Variants in LMAN1L observed in about 807,000 individuals in gnomAD.
LMAN1L encodes the protein protein ERGIC-53-like.
LMAN1L carries 60 observed loss-of-function variants against 58.3 expected under a neutral mutation model. The observed-to-expected ratio is 1.03, with a 90% CI of 0.84 to 1.27. The LOEUF (loss-of-function observed/expected upper bound fraction) is 1.27, where lower values mean the gene tolerates loss of function less well. Among genes scored for constraint, LMAN1L ranks in the 50% most tolerant of loss-of-function variants. The pLI, the probability that LMAN1L is intolerant of heterozygous loss-of-function variation, is 0.00. For missense variants in LMAN1L, 629 were observed against 674.0 expected (o/e 0.93, Z 0.74); for synonymous variants, 280 against 271.6 (o/e 1.03, Z -0.31).
intron 10 of LMAN1L, among the ~76,000 whole-genome samples, chr15:74,822,344 C>T (rs1447276105): frequency 6.6e-6 from 1 of 152,090 alleles, no homozygotes; most frequent in East Asian, 1.9e-4. Flanking sequence ...CCAGCCTGGC[C>T]GCAGAGCAAG....
Position 74,821,187 on chromosome 15 carries a change from G to A in LMAN1L, c.1020G>A (p.Gln340=). ...AGGCTGAGAGACAATGGAAGAAGCA[G>A]CTGGGGCCCCCAGGCCAAGCCAGGC... ...LAQAERQWKK[Q]LGPPGQARPD... The change falls in exon 9 of 14, where the codon CAG becomes CAA. Residue 340 remains glutamine (Q), a synonymous_variant. Coordinates refer to ENST00000309664, the MANE Select transcript of LMAN1L (RefSeq NM_021819.3). 2 of 1,550,718 alleles carry A rather than the reference G, an allele frequency of 1.3e-6. No homozygotes were observed. The highest frequency in any genetic ancestry group is 1.7e-6 in the Non-Finnish European group (2 of 1,147,534).
intron 13 of LMAN1L, chr15:74,825,187 G>C (rs1203734148): frequency 3.9e-6 from 1 of 259,196 alleles, no homozygotes; most frequent in East Asian, 7.6e-5. Context: ...CCTGGAGGAG[G>C]AGTAAAATGA....
intron 11 of LMAN1L, 28 bp from the exon 12 acceptor site, chr15:74,823,531 A>G: frequency 6.2e-7 from 1 of 1,612,738 alleles, no homozygotes; most frequent in East Asian, 2.2e-5. Flanking sequence ...GTAATGAGTC[A>G]TCTTACTTGG....
Position 74,818,580 on chromosome 15 carries a change from G to C in LMAN1L, c.498-138G>C, listed in dbSNP as rs1165210768. 4 of 677,810 alleles carry C rather than the reference G, an allele frequency of 5.9e-6. No homozygotes were observed. In the African/African-American group the frequency reaches 7.2e-5, roughly 12 times the overall value. 42.0% of individuals were successfully genotyped at this position (677,810 alleles called of 1,614,324 possible). On this transcript the variant is annotated intron_variant, in intron 4 of 13. Transcript: ENST00000309664. ...ATGGTGGTGCATGCCTGTAGTCTCAGCTACTTGGGAGGCTGAGGTGGGAGG... is the reference window on the plus strand; with the variant it reads ...ATGGTGGTGCATGCCTGTAGTCTCACCTACTTGGGAGGCTGAGGTGGGAGG...
intron 1 of LMAN1L, 99 bp from the exon 2 acceptor site, chr15:74,816,058 T>C: frequency 7.1e-7 from 1 of 1,407,972 alleles, no homozygotes; most frequent in Non-Finnish European, 9.5e-7. Flanking sequence ...CTTGGCATTG[T>C]CGCCTTCTCT....
At chr15:74,820,863 A>C in intron 8 of LMAN1L, 96 bp downstream of exon 8, 1 of 1,477,814 alleles carries the variant, frequency 6.8e-7, no homozygotes, top group Non-Finnish European at 9.1e-7. Flanking sequence ...AGGGAAACTG[A>C]GGCCTGAGGA....
chr15:74,818,182 G>A (rs774941589), intron 4 of LMAN1L, among the ~76,000 whole-genome samples: 1 of 152,148 alleles, frequency 6.6e-6, no homozygotes, highest in Non-Finnish European at 1.5e-5. Flanking sequence ...GTAAATCCAA[G>A]TCCCAACACT....
In LMAN1L at chr15:74,823,686, A is replaced by G; in HGVS notation, c.1323+4A>G. 1 of 1,612,392 alleles carries G rather than the reference A, an allele frequency of 6.2e-7. No homozygotes were observed. The highest frequency in any genetic ancestry group is 8.5e-7 in the Non-Finnish European group (1 of 1,179,580). On this transcript the variant is annotated splice_donor_region_variant and intron_variant, in intron 12 of 13. Transcript: ENST00000309664. ...GGAGGAGCTTCGGGGCCCGGCGGTGAGGGGAAAGTAGTGGGCAGCATGGGG... is the reference window on the plus strand; with the variant it reads ...GGAGGAGCTTCGGGGCCCGGCGGTGGGGGGAAAGTAGTGGGCAGCATGGGG...
At chr15:74,815,182 C>T (rs1180205708) in intron 1 of LMAN1L, among the ~76,000 whole-genome samples, 1 of 152,232 alleles carries the variant, frequency 6.6e-6, no homozygotes, top group Non-Finnish European at 1.5e-5. Context: ...GGCTGAAAGC[C>T]TTCTGCAAGG....
chr15:74,812,866 C>G lies in LMAN1L; in HGVS notation c.12C>G (p.Val4=). 1.9e-6 allele frequency: 3 copies of G among 1,599,742 alleles called. No homozygotes were observed. Among genetic ancestry groups the G allele is most frequent in the Non-Finnish European group, 2.6e-6 (3 of 1,172,118 alleles). Reference sequence around the variant, plus strand: ...CAGGCGCCTTCACGATGCCGGCGGTCAGTGGTCCAGGTCCCTTATTCTGCC... The same window carrying G: ...CAGGCGCCTTCACGATGCCGGCGGTGAGTGGTCCAGGTCCCTTATTCTGCC... MPA[V]SGPGPLFCLL... Residue 4 remains valine (V), a synonymous_variant, in exon 1 of 14, where the codon GTC becomes GTG. Transcript: ENST00000309664.
intron 7 of LMAN1L, 27 bp from the exon 8 acceptor site, chr15:74,820,608 G>A (rs1157723032): frequency 6.2e-7 from 1 of 1,612,334 alleles, no homozygotes; most frequent in African/African-American, 1.3e-5. Flanking sequence ...TGGGTTTGGG[G>A]CCCGACTTTC....
At chr15:74,818,571 G>A (rs2063902738) in intron 4 of LMAN1L, 147 bp from the exon 5 acceptor site, 1 of 659,522 alleles carries the variant, frequency 1.5e-6, no homozygotes, top group Admixed American at 2.6e-5. Context: ...GTGCATGCCT[G>A]TAGTCTCAGC....
Position 74,822,700 on chromosome 15 carries a change from A to C in LMAN1L, c.1190A>C (p.Gln397Pro). 1 of 1,613,784 alleles carries C rather than the reference A, an allele frequency of 6.2e-7. No homozygotes were observed. The highest frequency in any genetic ancestry group is 8.5e-7 in the Non-Finnish European group (1 of 1,179,732). Residue 397 changes from glutamine to proline, a missense_variant, in exon 11 of 14, where the codon CAA becomes CCA. This residue lies in a region of LMAN1L where 573 missense variants were observed against 597.3 expected (regional missense o/e 0.96). Transcript: ENST00000309664. ...HGQWTLLQAL[Q>P]EMRDAAVRMA... ...CAGTGGACTCTGCTCCAGGCCCTGCAAGAGATGAGGTAAGGGACTGGGTGG... is the reference window on the plus strand; with the variant it reads ...CAGTGGACTCTGCTCCAGGCCCTGCCAGAGATGAGGTAAGGGACTGGGTGG...
Position 74,816,223 on chromosome 15 carries a change from G to A in LMAN1L, c.242G>A (p.Trp81Ter), listed in dbSNP as rs1235547612. Residue 81 changes from tryptophan to a stop codon, truncating the protein, a stop_gained, in exon 2 of 14, where the codon TGG (tryptophan) becomes TAG (stop). Transcript: ENST00000309664. LOFTEE classifies it high-confidence loss of function. ...PSMRNRSGAV[W>*]SRASVPFSAW... is the part of the protein sequence containing the mutation. ...ATGAGGAACCGGAGTGGCGCCGTGT[G>A]GAGCAGGGCCTCTGTCCCCTTCTCT... The A allele has an allele frequency of 6.3e-7, 1 of 1,586,798 alleles. No individual in the cohort carries two copies. Among genetic ancestry groups the A allele is most frequent in the Non-Finnish European group, 8.6e-7 (1 of 1,166,884 alleles).
chr15:74,816,096 G>A (rs2063888734), intron 1 of LMAN1L, 61 bp from the exon 2 acceptor site: 1 of 1,508,046 alleles, frequency 6.6e-7, no homozygotes, highest in Admixed American at 2.0e-5. Flanking sequence ...GGCCAAGTGA[G>A]AGAGTGAAGG....
chr15:74,814,216 G>A (rs1283892874), intron 1 of LMAN1L, among the ~76,000 whole-genome samples: 2 of 150,406 alleles, frequency 1.3e-5, no homozygotes, highest in Non-Finnish European at 3.0e-5. Context: ...TTTGTGAGAT[G>A]GAGTTTCACT....
intron 6 of LMAN1L, 52 bp from the exon 7 acceptor site, chr15:74,819,992 G>T: frequency 6.5e-7 from 1 of 1,540,742 alleles, no homozygotes; most frequent in Non-Finnish European, 9.0e-7. Context: ...GGCTGAGCGA[G>T]GGGGTTGCTG....
At chr15:74,824,272 T>G in intron 12 of LMAN1L, 79 bp from the exon 13 acceptor site, 7 of 1,382,538 alleles carry the variant, frequency 5.1e-6, no homozygotes, top group Non-Finnish European at 7.1e-6. Context: ...AAACGGAGCA[T>G]GCACATGGCC....
At chr15:74,821,335 G>C (rs192959613) in intron 9 of LMAN1L, 109 bp downstream of exon 9, 1 of 1,302,814 alleles carries the variant, frequency 7.7e-7, no homozygotes, top group African/African-American at 1.5e-5. Context: ...AGGAAGGCAG[G>C]GATGAAATGC....
Sources: allele counts gnomAD v4.1 joint callset (sites outside exome capture counted in the v4.1 genomes callset), GRCh38; gene constraint gnomAD v4.1.1; regional missense constraint gnomAD v4.1.1; transcripts MANE v1.5; gene names NCBI Gene and HGNC (gene_info 2026-07-23, HGNC 2026-07-21).